TBCA: variants seen among roughly 807,000 people sequenced by gnomAD.
TBCA encodes tubulin-specific chaperone A.
Under a neutral mutation model 15.8 loss-of-function variants are expected in TBCA, and 6 were observed. That is an observed-to-expected ratio of 0.38 (90% CI 0.21 to 0.75). TBCA has a LOEUF of 0.75. Ranked by LOEUF, TBCA falls within the 30% of genes least tolerant of loss-of-function variation. The pLI is 0.46. For synonymous variants in TBCA, 32 were observed against 42.3 expected, an observed-to-expected ratio of 0.76 and a Z score of 0.94; for missense variants, 90 against 131.2, an observed-to-expected ratio of 0.69 and a Z score of 1.53.
intron 1 of TBCA, among the ~76,000 whole-genome samples, chr5:77,714,070 A>G (rs1031718848): frequency 2.0e-5 from 3 of 151,748 alleles, no homozygotes; most frequent in Admixed American, 1.3e-4. Flanking sequence ...CTGTAATCCC[A>G]GCACTTCTGG....
intron 1 of TBCA, among the ~76,000 whole-genome samples, chr5:77,767,879 C>A (rs2112516472): frequency 6.6e-6 from 1 of 152,338 alleles, no homozygotes; most frequent in East Asian, 1.9e-4. Context: ...AAAATTCACA[C>A]TGAAACTTTA....
At chr5:77,703,099 A>G (rs1231977312) in intron 2 of TBCA, among the ~76,000 whole-genome samples, 5 of 152,222 alleles carry the variant, frequency 3.3e-5, no homozygotes, top group African/African-American at 9.6e-5. Context: ...AAAGAGTAAA[A>G]AAAAGCATAT....
intron 1 of TBCA, among the ~76,000 whole-genome samples, chr5:77,711,506 T>C (rs1421133145): frequency 3.3e-5 from 5 of 152,158 alleles, no homozygotes; most frequent in Non-Finnish European, 7.4e-5. Flanking sequence ...TCTTCCTACA[T>C]AGTAGGCACT....
At chr5:77,765,167 G>A (rs1380450470) in intron 1 of TBCA, among the ~76,000 whole-genome samples, 2 of 152,178 alleles carry the variant, frequency 1.3e-5, no homozygotes, top group African/African-American at 4.8e-5. Flanking sequence ...CTGGATTCTC[G>A]TATCTGCTTC....
intron 1 of TBCA, among the ~76,000 whole-genome samples, chr5:77,752,600 G>A (rs1361030121): frequency 5.2e-5 from 6 of 115,960 alleles, no homozygotes; most frequent in Admixed American, 9.3e-5. Flanking sequence ...CGCCCAGGCC[G>A]GACTGCGGAC....
chr5:77,735,985 A>G (rs140221578), intron 1 of TBCA, among the ~76,000 whole-genome samples: 137 of 152,310 alleles, frequency 9.0e-4, no homozygotes, highest in Admixed American at 2.0e-3. Flanking sequence ...ACCCCTTACT[A>G]TGTAGCACTT....
At chr5:77,756,102 A>AT (rs1239493934) in intron 1 of TBCA, among the ~76,000 whole-genome samples, 2 of 152,084 alleles carry the variant, frequency 1.3e-5, no homozygotes, top group Admixed American at 6.6e-5. Flanking sequence ...TGTTTGTCAC[A>AT]TTTTTTTAAA....
chr5:77,692,179 T>C, intron 3 of TBCA: 8 of 984,912 alleles, frequency 8.1e-6, no homozygotes, highest in Non-Finnish European at 9.6e-6. Context: ...AATGAAGCTA[T>C]GGTTAGCAAT....
chr5:77,692,654 AT>A (rs1459256246), intron 3 of TBCA: 1 of 985,186 alleles, frequency 1.0e-6, no homozygotes, highest in African/African-American at 1.8e-5. Flanking sequence ...AGAAAAAAGC[AT>A]TTAAACTGTC....
At chr5:77,763,223 G>C (rs1362202359) in intron 1 of TBCA, among the ~76,000 whole-genome samples, 1 of 151,960 alleles carries the variant, frequency 6.6e-6, no homozygotes, top group Non-Finnish European at 1.5e-5. Flanking sequence ...CTGCCTGGGC[G>C]ACAGAGCAAG....
At chr5:77,745,060 T>C (rs1747152884) in intron 1 of TBCA, among the ~76,000 whole-genome samples, 1 of 152,214 alleles carries the variant, frequency 6.6e-6, no homozygotes, top group African/African-American at 2.4e-5. Context: ...TTAAATGACA[T>C]ACACATGAAG....
At chr5:77,753,465 C>G (rs1418169270) in intron 1 of TBCA, among the ~76,000 whole-genome samples, 1 of 152,094 alleles carries the variant, frequency 6.6e-6, no homozygotes, top group East Asian at 1.9e-4. Context: ...TTACTTTAAA[C>G]CATTAATTTA....
At chr5:77,745,655 A>G (rs1317324825) in intron 1 of TBCA, among the ~76,000 whole-genome samples, 3 of 152,362 alleles carry the variant, frequency 2.0e-5, no homozygotes, top group East Asian at 1.9e-4. Flanking sequence ...CAAAAACTGA[A>G]TAACAAAGTT....
chr5:77,710,617 T>C (rs1746257527), intron 1 of TBCA, among the ~76,000 whole-genome samples: 1 of 152,160 alleles, frequency 6.6e-6, no homozygotes, highest in South Asian at 2.1e-4. Context: ...CTCTTGGATG[T>C]TTTCATCAGG....
chr5:77,714,256 G>A (rs1042998844), intron 1 of TBCA, among the ~76,000 whole-genome samples: 3 of 152,110 alleles, frequency 2.0e-5, no homozygotes, highest in African/African-American at 7.2e-5. Context: ...GGAGGCGGAG[G>A]CTGCAGTGAG....
chr5:77,698,561 T>C (rs1375673688), intron 2 of TBCA, among the ~76,000 whole-genome samples: 1 of 152,210 alleles, frequency 6.6e-6, no homozygotes, highest in African/African-American at 2.4e-5. Flanking sequence ...ATAATTTCAA[T>C]AGACAATTCT....
intron 1 of TBCA, among the ~76,000 whole-genome samples, chr5:77,738,666 T>G (rs1746965501): frequency 6.6e-6 from 1 of 152,192 alleles, no homozygotes; most frequent in South Asian, 2.1e-4. Context: ...CACTGCAACC[T>G]CCGCCTCTGG....
chr5:77,748,154 G>C (rs886944104), intron 1 of TBCA, among the ~76,000 whole-genome samples: 8 of 152,098 alleles, frequency 5.3e-5, no homozygotes, highest in Non-Finnish European at 5.9e-5. Flanking sequence ...GAAGTTCACT[G>C]AACCTAGTTT....
intron 1 of TBCA, among the ~76,000 whole-genome samples, chr5:77,742,400 AT>A (rs1561277191): frequency 2.0e-5 from 3 of 152,154 alleles, no homozygotes; most frequent in African/African-American, 7.2e-5. Context: ...TTCTCCCAAC[AT>A]TTAGTGGCCA....
Sources: allele counts gnomAD v4.1 joint callset (sites outside exome capture counted in the v4.1 genomes callset), GRCh38; gene constraint gnomAD v4.1.1; transcripts MANE v1.5; gene names NCBI Gene and HGNC (gene_info 2026-07-23, HGNC 2026-07-21).